The following FSTL4 variants were observed in gnomAD, a reference collection of about 807,000 sequenced individuals.
FSTL4 encodes the protein follistatin-related protein 4.
Under a neutral mutation model 78.2 loss-of-function variants are expected in FSTL4, and 28 were observed. The observed-to-expected ratio is 0.36, with a 90% CI of 0.27 to 0.49. The LOEUF (loss-of-function observed/expected upper bound fraction) is 0.49, where lower values mean the gene tolerates loss of function less well. Ranked by LOEUF, FSTL4 falls within the 20% of genes least tolerant of loss-of-function variation. The pLI is 0.98. For synonymous variants in FSTL4, 422 were observed against 440.5 expected (o/e 0.96, Z 0.53); for missense variants, 922 against 1,084.9 (o/e 0.85, Z 2.11).
At chr5:133,790,176 T>G in the FSTL4 span, among the ~76,000 whole-genome samples, 1 of 152,164 alleles carries the variant, frequency 6.6e-6, no homozygotes, top group Non-Finnish European at 1.5e-5. Context: ...ATCATGCATA[T>G]AATTAAGTCC....
At chr5:133,253,352 A>T (rs114566607) in intron 6 of FSTL4, among the ~76,000 whole-genome samples, 1,916 of 152,298 alleles carry the variant, frequency 0.013, 44 homozygotes, top group African/African-American at 0.043. Context: ...TGCTGCTGAC[A>T]AGCTCAGTGG....
chr5:133,631,358 C>G, the FSTL4 span, among the ~76,000 whole-genome samples: 4 of 151,402 alleles, frequency 2.6e-5, no homozygotes, highest in African/African-American at 9.7e-5. Flanking sequence ...GGACACTACT[C>G]AAAAGAGGAC....
the FSTL4 span, among the ~76,000 whole-genome samples, chr5:133,758,759 T>A: frequency 1.3e-5 from 2 of 152,188 alleles, no homozygotes; most frequent in African/African-American, 4.8e-5. Context: ...GGTCAACATT[T>A]TGGGAGGAGC....
At chr5:133,388,060 A>G (rs566212243) in intron 4 of FSTL4, 3 of 152,382 alleles carry the variant, frequency 2.0e-5, no homozygotes, top group East Asian at 1.9e-4. Context: ...TGAAATTCCA[A>G]TAAGTCAGTC....
intron 2 of FSTL4, among the ~76,000 whole-genome samples, chr5:133,575,468 G>A (rs1174897991): frequency 6.6e-6 from 1 of 152,066 alleles, no homozygotes; most frequent in Non-Finnish European, 1.5e-5. Flanking sequence ...CCCATGCTTA[G>A]CATGGTGTCC....
intron 14 of FSTL4, among the ~76,000 whole-genome samples, chr5:133,209,065 T>C (rs377494559): frequency 3.3e-4 from 51 of 152,328 alleles, no homozygotes; most frequent in African/African-American, 1.2e-3. Flanking sequence ...GCTTTCTTAT[T>C]TTTTGTTGGT....
At chr5:133,630,361 A>T in the FSTL4 span, among the ~76,000 whole-genome samples, 1 of 151,144 alleles carries the variant, frequency 6.6e-6, no homozygotes, top group African/African-American at 2.4e-5. Flanking sequence ...TAATAGACAG[A>T]CAGCCAAATC....
At chr5:133,458,052 C>T (rs1205299542) in intron 3 of FSTL4, 1 of 152,186 alleles carries the variant, frequency 6.6e-6, no homozygotes, top group Non-Finnish European at 1.5e-5. Flanking sequence ...GCTGAACTTT[C>T]CTTTCCCATT....
At chr5:133,775,275 C>T in the FSTL4 span, among the ~76,000 whole-genome samples, 2 of 152,194 alleles carry the variant, frequency 1.3e-5, no homozygotes, top group Non-Finnish European at 2.9e-5. Context: ...GAAATTACAG[C>T]ATAAATCCCA....
intron 2 of FSTL4, chr5:133,583,611 C>T (rs1411704313): frequency 1.0e-5 from 1 of 100,192 alleles, no homozygotes; most frequent in South Asian, 1.2e-4. Context: ...CGGCGCACCA[C>T]GAGACTATAT....
chr5:133,521,445 C>A (rs1333855110), intron 3 of FSTL4, among the ~76,000 whole-genome samples: 2 of 152,118 alleles, frequency 1.3e-5, no homozygotes, highest in Non-Finnish European at 2.9e-5. Flanking sequence ...AGTTGGAAAT[C>A]CTAATTCATG....
intron 4 of FSTL4, among the ~76,000 whole-genome samples, chr5:133,345,111 G>A (rs780395721): frequency 5.3e-5 from 8 of 151,816 alleles, no homozygotes; most frequent in Non-Finnish European, 8.8e-5. Context: ...TGGTACTACA[G>A]GGCCCCCACT....
At chr5:133,480,753 T>C (rs1758010626) in intron 3 of FSTL4, among the ~76,000 whole-genome samples, 1 of 152,132 alleles carries the variant, frequency 6.6e-6, no homozygotes, top group South Asian at 2.1e-4. Context: ...CTGCTCCGGA[T>C]GCTGCCACCC....
intron 3 of FSTL4, among the ~76,000 whole-genome samples, chr5:133,535,083 A>G (rs1580772799): frequency 6.6e-6 from 1 of 152,214 alleles, no homozygotes; most frequent in Non-Finnish European, 1.5e-5. Context: ...GGTTGGCCTC[A>G]TAAGAAGAGG....
chr5:133,641,564 A>G, the FSTL4 span, among the ~76,000 whole-genome samples: 1 of 152,186 alleles, frequency 6.6e-6, no homozygotes, highest in Admixed American at 6.5e-5. Context: ...AATCCTATAA[A>G]TAAAAGTGTA....
the FSTL4 span, among the ~76,000 whole-genome samples, chr5:133,714,147 G>C: frequency 1.3e-5 from 2 of 152,180 alleles, no homozygotes; most frequent in Non-Finnish European, 2.9e-5. Flanking sequence ...GACAGAGGCT[G>C]CTCCACAAAG....
At chr5:133,808,362 A>ATG in the FSTL4 span, among the ~76,000 whole-genome samples, 2 of 152,194 alleles carry the variant, frequency 1.3e-5, no homozygotes, top group African/African-American at 4.8e-5. Context: ...GAGCGAAGCC[A>ATG]TGTTGTTCAA....
At chr5:133,813,663 T>A in the FSTL4 span, among the ~76,000 whole-genome samples, 1 of 152,234 alleles carries the variant, frequency 6.6e-6, no homozygotes, top group Non-Finnish European at 1.5e-5. Flanking sequence ...TCCCCTACAT[T>A]TTTGCAATAC....
In FSTL4 at chr5:133,502,210, G is replaced by A. The variant is rs548812551; in HGVS notation, c.160+64976C>T. 3.3e-5 allele frequency among the ~76,000 whole-genome samples: 5 copies of A among 152,314 alleles called. No individual in the cohort carries two copies. In the South Asian group the frequency reaches 1.0e-3, roughly 32 times the overall value. ...GCCCTAGGAGACTAACACAGGCACG[G>A]GTGATGCAAAGACAGAAAGGTTATC... On this transcript the variant is annotated intron_variant, in intron 3 of 15. Transcript: ENST00000265342.
Sources: gnomAD v4.1 joint callset for allele counts (sites outside exome capture counted in the v4.1 genomes callset) on GRCh38, gnomAD v4.1.1 for gene constraint, MANE v1.5 for transcripts, NCBI Gene and HGNC (gene_info 2026-07-23, HGNC 2026-07-21) for gene names.